The following AMER3 variants were observed in gnomAD, a reference collection of about 807,000 sequenced individuals.
The protein encoded by AMER3 is APC membrane recruitment protein 3, also known as family with sequence similarity 123C.
For synonymous variants in AMER3, 541 were observed against 485.5 expected (o/e 1.11, Z -1.50); for missense variants, 1,201 against 1,139.4 (o/e 1.05, Z -0.78).
At position 130,760,667 on chromosome 2, in the gene AMER3, G is replaced by T. The variant is rs192572390; in HGVS notation, c.-19-1387G>T. Among the ~76,000 whole-genome samples, 809 of 152,246 alleles carry T rather than the reference G, an allele frequency of 5.3e-3. 11 individuals are homozygous for T. Among genetic ancestry groups the T allele is most frequent in the African/African-American group, 0.019 (778 of 41,532 alleles). ...ACTACCAAGAAAGGTGGAGACCCTG[G>T]CAGACAGAGGTATTTTGGGTGATAG... On this transcript the variant is annotated intron_variant, in intron 1 of 1. Transcript: ENST00000321420.
chr2:130,755,947 C>G (rs965474310), intron 1 of AMER3: 1 of 152,196 alleles, frequency 6.6e-6, no homozygotes, highest in Non-Finnish European at 1.5e-5. Context: ...GCGGGGGCGC[C>G]GTGCGCACGG....
rs201653114 is a variant in AMER3, at chr2:130,763,752, C to T, written c.1680C>T (p.Cys560=). 1.4e-4 allele frequency: 222 copies of T among 1,594,390 alleles called. 1 individual carries two copies. The African/African-American group carries it at 2.8e-3, about 20-fold the overall frequency. Residue 560 remains cysteine (C), a synonymous_variant, in exon 2 of 2, where the codon TGC becomes TGT. Transcript: ENST00000321420. ...LASDAGGATV[C]SAPSRQELWA... The stretch of plus-strand genomic sequence containing the variant: ...CAGATGCAGGGGGGGCGACAGTTTG[C>T]TCAGCACCCAGCAGGCAGGAGCTGT...
rs766746775 is a variant in AMER3 at position 130,763,045 on chromosome 2, C to T, written c.973C>T (p.Leu325=). Residue 325 remains leucine, a synonymous_variant, in exon 2 of 2, where the codon CTA becomes TTA. Coordinates refer to ENST00000321420, the MANE Select transcript of AMER3 (RefSeq NM_152698.3). ...AGTGCGTCAGCAGCAGCGTGCCCTC[C>T]TAGGCCCGTGGCTTTCAGGCCCCCA... is the stretch of plus-strand genomic sequence containing the variant. ...RSVRQQQRAL[L]GPWLSGPQGT... 2 of 1,613,292 alleles carry T rather than the reference C, an allele frequency of 1.2e-6. No homozygotes were observed. Among genetic ancestry groups the T allele is most frequent in the Non-Finnish European group, 8.5e-7 (1 of 1,179,992 alleles).
Position 130,764,287 on chromosome 2 carries a change from A to C in AMER3, c.2215A>C (p.Ser739Arg). The change falls in exon 2 of 2, where the codon AGC (serine) becomes CGC (arginine). Residue 739 changes from serine (S) to arginine (R), a missense_variant. Coordinates refer to ENST00000321420, the MANE Select transcript of AMER3 (RefSeq NM_152698.3). ...CATCCATGGCCTACCCTACTCAGCC[A>C]GCACACAGGACCAGAGGTGTCGAGA... Reference protein sequence around the residue: ...TTIHGLPYSASTQDQRCRDRV... With the variant: ...TTIHGLPYSARTQDQRCRDRV... The C allele has an allele frequency of 6.2e-7, 1 of 1,608,970 alleles. No individual in the cohort carries two copies. Among genetic ancestry groups the C allele is most frequent in the South Asian group, 1.1e-5 (1 of 90,586 alleles).
At chr2:130,756,538 G>A (rs1167441977) in intron 1 of AMER3, among the ~76,000 whole-genome samples, 4 of 152,148 alleles carry the variant, frequency 2.6e-5, no homozygotes, top group African/African-American at 9.6e-5. Context: ...GCGGTTCCCG[G>A]CGCAGTCAGG....
chr2:130,762,571 C>T lies in AMER3; in HGVS notation c.499C>T (p.Arg167Trp), dbSNP rs1381313687. 3.7e-6 allele frequency: 6 copies of T among 1,613,380 alleles called. No individual in the cohort carries two copies. Among genetic ancestry groups the T allele is most frequent in the East Asian group, 2.2e-5 (1 of 44,860 alleles). ...GTGCTTTCGGAACCTATTCCACATT[C>T]GGAGAAACAAGACTGAGGACTTGGC... ...KKCFRNLFHI[R>W]RNKTEDLASL... The change falls in exon 2 of 2, where the codon CGG becomes TGG. Residue 167 changes from arginine to tryptophan, a missense_variant. Arg to Trp is a moderately radical substitution (Grantham distance 101). Transcript: ENST00000321420.
chr2:130,765,218 G>A lies in AMER3; in HGVS notation c.*560G>A, dbSNP rs1292423027. 40 of 167,094 alleles carry A rather than the reference G, an allele frequency of 2.4e-4. No homozygotes were observed. The allele number at this position is 167,094 out of a possible 1,614,324, so 10.4% of individuals were successfully genotyped here. On this transcript the variant is annotated 3_prime_UTR_variant, in exon 2 of 2. Transcript: ENST00000321420. ...CATAAAAACACAACAGAACACATCA[G>A]CCACTTCACACAATAAAATAGGCAA...
intron 1 of AMER3, among the ~76,000 whole-genome samples, chr2:130,757,010 C>A (rs1678631487): frequency 1.3e-5 from 2 of 152,172 alleles, no homozygotes; most frequent in Admixed American, 1.3e-4. Flanking sequence ...GACTTTCCTG[C>A]ATACCGGGGA....
intron 1 of AMER3, among the ~76,000 whole-genome samples, chr2:130,761,521 G>A (rs1021934177): frequency 6.6e-6 from 1 of 151,898 alleles, no homozygotes; most frequent in African/African-American, 2.4e-5. Context: ...TCTGTAGATA[G>A]AGTCTTGCCT....
Position 130,764,014 on chromosome 2 carries a change from C to G in AMER3, c.1942C>G (p.Pro648Ala). ...CTGCTCCCAGAAGGAGCCTGGGCCACCAGGGGTCCTGGGGTGTTTCCGAGG... is the reference window on the plus strand; with the variant it reads ...CTGCTCCCAGAAGGAGCCTGGGCCAGCAGGGGTCCTGGGGTGTTTCCGAGG... ...WPCSQKEPGP[P>A]GVLGCFRGPW... Residue 648 changes from proline to alanine, a missense_variant, in exon 2 of 2, where the codon CCA becomes GCA. Physicochemically the swap from Pro to Ala is conservative, Grantham distance 27. Coordinates refer to ENST00000321420, the MANE Select transcript of AMER3 (RefSeq NM_152698.3). 4 of 1,613,116 alleles carry G rather than the reference C, an allele frequency of 2.5e-6. No individual in the cohort carries two copies. The highest frequency in any genetic ancestry group is 1.7e-4 in the Middle Eastern group (1 of 6,056).
At chr2:130,757,229 A>G (rs527685767) in intron 1 of AMER3, among the ~76,000 whole-genome samples, 21 of 152,338 alleles carry the variant, frequency 1.4e-4, no homozygotes, top group Admixed American at 2.6e-4. Flanking sequence ...TTGGTCATGT[A>G]GAAAAGCAAC....
rs765574912 is a variant in AMER3, at chr2:130,764,215, G to A, written c.2143G>A (p.Asp715Asn). Reference sequence around the variant, plus strand: ...TGGGCAGCGCTGGGCCAGGGGCCCTGACATGCTGGAGCAGAAACAGTCCAG... The same window carrying A: ...TGGGCAGCGCTGGGCCAGGGGCCCTAACATGCTGGAGCAGAAACAGTCCAG... ...LFGQRWARGP[D>N]MLEQKQSSSS... Residue 715 changes from aspartate (D) to asparagine (N), a missense_variant, in exon 2 of 2, where the codon GAC becomes AAC. Transcript: ENST00000321420. The A allele has an allele frequency of 1.1e-5, 18 of 1,609,336 alleles. No homozygotes were observed. Among genetic ancestry groups the A allele is most frequent in the Non-Finnish European group, 1.5e-5 (18 of 1,177,842 alleles).
chr2:130,756,731 G>A (rs1301800020), intron 1 of AMER3, among the ~76,000 whole-genome samples: 1 of 152,150 alleles, frequency 6.6e-6, no homozygotes, highest in African/African-American at 2.4e-5. Context: ...CTCCCCAGAG[G>A]GCCCTTTGTC....
rs1678996956 is a variant in AMER3 at position 130,766,860 on chromosome 2, G to A, written c.*2202G>A. The A allele has an allele frequency of 1.8e-5, 3 of 167,032 alleles. No homozygotes were observed. The highest frequency in any genetic ancestry group is 4.8e-5 in the African/African-American group (2 of 41,426). 10.3% of individuals were successfully genotyped at this position (167,032 alleles called of 1,614,324 possible). A position where few individuals can be genotyped will look rare whatever the true frequency, so the allele number is the denominator to read the frequency against. On this transcript the variant is annotated 3_prime_UTR_variant, in exon 2 of 2. Transcript: ENST00000321420. ...CCTCCCACCCTTGTTGATGGGCAGT[G>A]CTAGATTATTTGTCACGAATCATCC...
chr2:130,762,284 A>C lies in AMER3; in HGVS notation c.212A>C (p.Gln71Pro). 1 of 1,590,014 alleles carries C rather than the reference A, an allele frequency of 6.3e-7. No individual in the cohort carries two copies. Among genetic ancestry groups the C allele is most frequent in the Admixed American group, 1.8e-5 (1 of 55,146 alleles). The change falls in exon 2 of 2, where the codon CAG becomes CCG. Residue 71 changes from glutamine to proline, a missense_variant. Transcript: ENST00000321420. ...EYDRCPNKGA[Q>P]LDPKGGPAAL... The stretch of plus-strand genomic sequence containing the variant: ...GACAGATGCCCCAACAAAGGGGCGC[A>C]GCTGGACCCCAAAGGGGGACCCGCA...
In AMER3 at chr2:130,758,131, CA is replaced by C. The variant is rs202210820; in HGVS notation, c.-20+2464del. ...CCTGGGCGACAGAGCGAGATTCCAT[CA>C]AAAAAACAAAACAAAACAAAAAACC... On this transcript the variant is annotated intron_variant, in intron 1 of 1. Transcript: ENST00000321420. Among the ~76,000 whole-genome samples, 1,079 of 147,842 alleles carry C rather than the reference CA, an allele frequency of 7.3e-3. 15 individuals carry two copies. The highest frequency in any genetic ancestry group is 0.025 in the African/African-American group (999 of 39,750).
chr2:130,761,710 C>T (rs558366431), intron 1 of AMER3, among the ~76,000 whole-genome samples: 1 of 152,208 alleles, frequency 6.6e-6, no homozygotes, highest in African/African-American at 2.4e-5. Context: ...GGCCATGACA[C>T]CCACTCCTAA....
Position 130,764,671 on chromosome 2 carries a change from T to A in AMER3, c.*13T>A. On this transcript the variant is annotated 3_prime_UTR_variant, in exon 2 of 2. Transcript: ENST00000321420. ...GCCCCATCTGTAGGACAGGCTCACATGCACCAGGAACTGCATGTGTCTTCA... is the reference window on the plus strand; with the variant it reads ...GCCCCATCTGTAGGACAGGCTCACAAGCACCAGGAACTGCATGTGTCTTCA... The A allele has an allele frequency of 6.3e-7, 1 of 1,586,486 alleles. No individual in the cohort carries two copies.
In AMER3 at chr2:130,758,702, C is replaced by T. The variant is rs369623131; in HGVS notation, c.-20+3028C>T. ...GAATGAATAGTTGGTGGTTGCTGAGCCCTGCAGACAAGAAGGCACCCGAAG... is the reference window on the plus strand; with the variant it reads ...GAATGAATAGTTGGTGGTTGCTGAGTCCTGCAGACAAGAAGGCACCCGAAG... On this transcript the variant is annotated intron_variant, in intron 1 of 1. Transcript: ENST00000321420. Among the ~76,000 whole-genome samples the T allele has an allele frequency of 1.7e-3, 262 of 152,292 alleles. 2 individuals carry two copies. The highest frequency in any genetic ancestry group is 5.8e-3 in the African/African-American group (243 of 41,562).
Sources: gnomAD v4.1 joint callset for allele counts (sites outside exome capture counted in the v4.1 genomes callset) on GRCh38, gnomAD v4.1.1 for gene constraint, MANE v1.5 for transcripts, NCBI Gene and HGNC (gene_info 2026-07-23, HGNC 2026-07-21) for gene names.